Variants in ACSM6 observed in about 807,000 individuals in gnomAD.
ACSM6 encodes the protein acyl-coenzyme A synthetase ACSM6, mitochondrial.
Under a neutral mutation model 51.1 loss-of-function variants are expected in ACSM6, and 35 were observed. The ratio of observed to expected loss-of-function variants is 0.69; its 90% confidence interval spans 0.52 to 0.91. The LOEUF (loss-of-function observed/expected upper bound fraction) is 0.91, where lower values mean the gene tolerates loss of function less well. Ranked by LOEUF, ACSM6 falls within the 40% of genes least tolerant of loss-of-function variation. ACSM6 has a pLI of 0.00. For missense variants in ACSM6, 509 were observed against 584.1 expected (o/e 0.87, Z 1.32); for synonymous variants, 172 against 207.3 (o/e 0.83, Z 1.46).
At chr10:95,221,889 C>T (rs963959504) in intron 9 of ACSM6, among the ~76,000 whole-genome samples, 2 of 152,050 alleles carry the variant, frequency 1.3e-5, no homozygotes, top group African/African-American at 4.8e-5. Flanking sequence ...GATAAAAATT[C>T]TCAAGAAATT....
chr10:95,207,160 C>A (rs370251182), intron 3 of ACSM6, 48 bp from the exon 4 acceptor site: 23 of 1,581,146 alleles, frequency 1.5e-5, no homozygotes, highest in Admixed American at 1.4e-4. Flanking sequence ...AGGAAAAATT[C>A]TCTACTCAAA....
At chr10:95,214,436 G>A in intron 7 of ACSM6, among the ~76,000 whole-genome samples, 1 of 152,312 alleles carries the variant, frequency 6.6e-6, no homozygotes, top group East Asian at 1.9e-4. Context: ...TTTGAGCCTA[G>A]TTTATAAAAT....
chr10:95,214,600 G>A (rs2133385311), intron 7 of ACSM6, among the ~76,000 whole-genome samples: 1 of 152,296 alleles, frequency 6.6e-6, no homozygotes, highest in African/African-American at 2.4e-5. Context: ...CCATCAGTTA[G>A]CACTGGTTGA....
intron 10 of ACSM6, among the ~76,000 whole-genome samples, chr10:95,227,342 C>T (rs1589500012): frequency 6.6e-6 from 1 of 152,120 alleles, no homozygotes; most frequent in African/African-American, 2.4e-5. Flanking sequence ...ATCTATTTAA[C>T]ATACCTGCTA....
intron 4 of ACSM6, among the ~76,000 whole-genome samples, chr10:95,209,969 T>C (rs1174348155): frequency 1.3e-5 from 2 of 152,180 alleles, no homozygotes; most frequent in Non-Finnish European, 2.9e-5. Context: ...ATAGGCTGTG[T>C]GAGGACTGCA....
chr10:95,216,158 T>C (rs1372007278), intron 8 of ACSM6, among the ~76,000 whole-genome samples: 2 of 152,112 alleles, frequency 1.3e-5, no homozygotes, highest in African/African-American at 4.8e-5. Context: ...GGTTTCAAAC[T>C]CCTGGCCTCA....
chr10:95,198,989 T>C (rs1041026824), intron 2 of ACSM6, among the ~76,000 whole-genome samples: 11 of 150,442 alleles, frequency 7.3e-5, no homozygotes, highest in African/African-American at 2.7e-4. Flanking sequence ...CTTCACAGAA[T>C]TGGAAAAAAC....
At chr10:95,195,627 G>A (rs1041888539) in intron 2 of ACSM6, among the ~76,000 whole-genome samples, 5 of 152,176 alleles carry the variant, frequency 3.3e-5, no homozygotes, top group African/African-American at 1.2e-4. Context: ...TCCAGTGCGT[G>A]TGGAGAGTGA....
intron 4 of ACSM6, among the ~76,000 whole-genome samples, chr10:95,209,574 A>G (rs1469217463): frequency 9.2e-5 from 14 of 152,218 alleles, no homozygotes; most frequent in Admixed American, 9.2e-4. Context: ...CAATGGAGAC[A>G]GGACCGAAAA....
At chr10:95,210,417 T>A (rs1589494503) in intron 4 of ACSM6, among the ~76,000 whole-genome samples, 3 of 152,302 alleles carry the variant, frequency 2.0e-5, no homozygotes, top group Admixed American at 2.0e-4. Context: ...GGTCTTTTAC[T>A]GAGAAAAATA....
chr10:95,196,133 C>T (rs2034722723), intron 2 of ACSM6, among the ~76,000 whole-genome samples: 1 of 152,212 alleles, frequency 6.6e-6, no homozygotes, highest in African/African-American at 2.4e-5. Flanking sequence ...TAGCGTTGTG[C>T]CTTTTATCTC....
At chr10:95,210,842 G>A in intron 5 of ACSM6, 49 bp downstream of exon 5, 1 of 1,573,122 alleles carries the variant, frequency 6.4e-7, no homozygotes, top group Non-Finnish European at 8.6e-7. Flanking sequence ...TTCTCTTGCA[G>A]GTAAAGGGAG....
intron 2 of ACSM6, 45 bp from the exon 3 acceptor site, chr10:95,201,940 G>A (rs559069068): frequency 1.2e-5 from 18 of 1,519,416 alleles, no homozygotes; most frequent in African/African-American, 2.8e-5. Context: ...CATAGCCAAT[G>A]TCCATGCTGA....
chr10:95,218,200 A>T (rs1564590971), intron 8 of ACSM6, among the ~76,000 whole-genome samples: 1 of 152,246 alleles, frequency 6.6e-6, no homozygotes, highest in Admixed American at 6.5e-5. Context: ...TGACTCCAGC[A>T]ACACCTAATA....
intron 2 of ACSM6, 54 bp downstream of exon 2, chr10:95,194,731 G>A (rs2034708655): frequency 6.8e-7 from 1 of 1,460,054 alleles, no homozygotes; most frequent in East Asian, 2.5e-5. Context: ...AGTTGGTAAA[G>A]CGTCCAAAGA....
intron 4 of ACSM6, among the ~76,000 whole-genome samples, chr10:95,208,933 T>TTAAA (rs1554829584): frequency 2.9e-5 from 1 of 33,920 alleles, no homozygotes; most frequent in South Asian, 2.5e-3. Flanking sequence ...CAGGGATGTT[T>TTAAA]AAAAAAAAAA....
At chr10:95,204,252 G>A (rs1340444982) in intron 3 of ACSM6, among the ~76,000 whole-genome samples, 2 of 152,130 alleles carry the variant, frequency 1.3e-5, no homozygotes, top group African/African-American at 4.8e-5. Flanking sequence ...ACAGACCAAA[G>A]TATATGTAAG....
chr10:95,212,173 C>G, intron 6 of ACSM6, 139 bp downstream of exon 6: 1 of 1,052,554 alleles, frequency 9.5e-7, no homozygotes. Context: ...GATGCTCTCC[C>G]TGCTTGTGAG....
rs182819475 is a variant in ACSM6, at chr10:95,198,020, T to C, written c.192+3343T>C. On this transcript the variant is annotated intron_variant, in intron 2 of 10. Coordinates refer to ENST00000341686, the Ensembl canonical transcript of ACSM6. ...GCACAACCCTAGATCCCTTAAACCTTGATTTCATACAACACATGTTTTTGT... is the reference window on the plus strand; with the variant it reads ...GCACAACCCTAGATCCCTTAAACCTCGATTTCATACAACACATGTTTTTGT... Among the ~76,000 whole-genome samples, 208 of 152,354 alleles carry C rather than the reference T, an allele frequency of 1.4e-3. 1 individual carries two copies. The highest frequency in any genetic ancestry group is 2.0e-3 in the Non-Finnish European group (137 of 68,024).
Sources: gnomAD v4.1 joint callset for allele counts (sites outside exome capture counted in the v4.1 genomes callset) on GRCh38, gnomAD v4.1.1 for gene constraint, MANE v1.5 for transcripts, NCBI Gene and HGNC (gene_info 2026-07-23, HGNC 2026-07-21) for gene names.